Variants in IKZF3 observed in about 807,000 individuals in gnomAD.
IKZF3 encodes the protein zinc finger protein Aiolos.
In IKZF3, 10 loss-of-function variants were observed where a neutral mutation model predicts 49.0. The ratio of observed to expected loss-of-function variants is 0.20; its 90% CI spans 0.13 to 0.35. IKZF3 has a LOEUF of 0.35. Among genes scored for constraint, IKZF3 ranks in the 10% least tolerant of loss-of-function variants. The pLI, the probability that IKZF3 is intolerant of heterozygous loss-of-function variation, is 1.00. For missense variants in IKZF3, 498 were observed against 664.8 expected (o/e 0.75, Z 2.76); for synonymous variants, 209 against 228.2 (o/e 0.92, Z 0.76).
chr17:39,824,905 C>G (rs1326467057), intron 3 of IKZF3, among the ~76,000 whole-genome samples: 1 of 152,100 alleles, frequency 6.6e-6, no homozygotes, highest in Non-Finnish European at 1.5e-5. Context: ...CCATGTTAGC[C>G]AGGATGATCT....
intron 6 of IKZF3, 94 bp downstream of exon 6, chr17:39,788,164 G>A: frequency 1.4e-6 from 1 of 737,874 alleles, no homozygotes; most frequent in Non-Finnish European, 2.3e-6. Context: ...TCTGCCCCCA[G>A]TAAAATATAA....
chr17:39,858,075 T>C (rs2063116344), intron 1 of IKZF3, among the ~76,000 whole-genome samples: 1 of 152,076 alleles, frequency 6.6e-6, no homozygotes, highest in South Asian at 2.1e-4. Flanking sequence ...AGTTGCATAA[T>C]CCTTAGATAA....
At chr17:39,864,054 T>A in intron 1 of IKZF3, 66 bp downstream of exon 1, 1 of 1,598,584 alleles carries the variant, frequency 6.3e-7, no homozygotes, top group Non-Finnish European at 8.6e-7. Flanking sequence ...AAGAAACTCT[T>A]TCTACTGCTT....
Position 39,796,381 on chromosome 17 carries a change from C to A in IKZF3, c.164-3448G>T, listed in dbSNP as rs543987175. Among the ~76,000 whole-genome samples, 188 of 152,208 alleles carry A rather than the reference C, an allele frequency of 1.2e-3. 1 individual carries two copies. The highest frequency in any genetic ancestry group is 4.3e-3 in the African/African-American group (178 of 41,518). The stretch of plus-strand genomic sequence containing the variant: ...GTCTCCAAGCCATCAAACTGTGGAA[C>A]CTTTTCTCTTTCAATTTCTACATCA... On this transcript the variant is annotated intron_variant, in intron 3 of 7. Coordinates refer to ENST00000346872, the MANE Select transcript of IKZF3 (RefSeq NM_012481.5).
chr17:39,766,961 G>C (rs1567956333), intron 7 of IKZF3, among the ~76,000 whole-genome samples: 1 of 152,022 alleles, frequency 6.6e-6, no homozygotes, highest in African/African-American at 2.4e-5. Flanking sequence ...TAGCCAGGGG[G>C]ACAGAAGTGC....
intron 3 of IKZF3, among the ~76,000 whole-genome samples, chr17:39,806,364 A>T (rs1598066607): frequency 6.6e-6 from 1 of 152,376 alleles, no homozygotes; most frequent in East Asian, 1.9e-4. Context: ...ATCCAATTTT[A>T]AAATGCACGA....
At chr17:39,785,678 A>G (rs896519364) in intron 6 of IKZF3, among the ~76,000 whole-genome samples, 4 of 152,148 alleles carry the variant, frequency 2.6e-5, no homozygotes, top group South Asian at 2.1e-4. Flanking sequence ...GGACACACAT[A>G]TATGTATATA....
Position 39,766,068 on chromosome 17 carries a change from G to C in IKZF3, c.1252C>G (p.Leu418Val), listed in dbSNP as rs1299715831. Residue 418 changes from leucine (L) to valine (V), a missense_variant, in exon 8 of 8, where the codon CTG becomes GTG. Leu to Val is a conservative substitution (Grantham distance 32, BLOSUM62 1). This residue lies in a region of IKZF3 where 317 missense variants were observed against 397.3 expected (regional missense o/e 0.80). Coordinates refer to ENST00000346872, the MANE Select transcript of IKZF3 (RefSeq NM_012481.5). Reference protein sequence around the residue: ...LSRARNGMPLLKEVPRSYELL... With the variant: ...LSRARNGMPLVKEVPRSYELL... ...TCGTAAGAGCGGGGAACCTCCTTCA[G>C]AAGTGGCATCCCATTGCGGGCCCGA... is the stretch of plus-strand genomic sequence containing the variant. The C allele has an allele frequency of 6.2e-7, 1 of 1,614,082 alleles. No individual in the cohort carries two copies. Among genetic ancestry groups the C allele is most frequent in the Non-Finnish European group, 8.5e-7 (1 of 1,180,032 alleles).
chr17:39,766,612 C>A, intron 7 of IKZF3, 119 bp from the exon 8 acceptor site: 2 of 791,594 alleles, frequency 2.5e-6, no homozygotes, highest in Non-Finnish European at 4.0e-6. Flanking sequence ...TCAAGAAGAC[C>A]AAGCCTGGCA....
chr17:39,776,482 G>A (rs191162102), intron 7 of IKZF3, among the ~76,000 whole-genome samples: 15 of 152,330 alleles, frequency 9.8e-5, no homozygotes, highest in Admixed American at 2.0e-4. Flanking sequence ...AGGACAGCAA[G>A]GAGGAGGGGA....
intron 3 of IKZF3, among the ~76,000 whole-genome samples, 173 bp downstream of exon 3, chr17:39,829,214 T>G (rs533171504): frequency 1.3e-5 from 2 of 152,286 alleles, no homozygotes; most frequent in African/African-American, 2.4e-5. Flanking sequence ...ATTCTCAAAA[T>G]TTGCTGATAA....
intron 5 of IKZF3, among the ~76,000 whole-genome samples, chr17:39,789,318 A>G (rs2060953046): frequency 6.6e-6 from 1 of 152,104 alleles, no homozygotes; most frequent in Admixed American, 6.5e-5. Context: ...TAATCTCAGC[A>G]CTTTCGGAGG....
chr17:39,775,186 C>A (rs1463495792), intron 7 of IKZF3, among the ~76,000 whole-genome samples: 3 of 151,200 alleles, frequency 2.0e-5, no homozygotes, highest in African/African-American at 7.3e-5. Flanking sequence ...CTTCTTATTG[C>A]ACTACAACAC....
intron 3 of IKZF3, among the ~76,000 whole-genome samples, chr17:39,809,594 C>T (rs2061505071): frequency 6.6e-6 from 1 of 152,212 alleles, no homozygotes; most frequent in South Asian, 2.1e-4. Context: ...ACTATGTCAA[C>T]CTATTGCTAG....
intron 1 of IKZF3, among the ~76,000 whole-genome samples, chr17:39,847,234 C>T (rs1470682626): frequency 6.6e-6 from 1 of 152,148 alleles, no homozygotes; most frequent in Non-Finnish European, 1.5e-5. Context: ...TATAATCATT[C>T]CTCAAATTCC....
chr17:39,853,262 A>G (rs2062933877), intron 1 of IKZF3, among the ~76,000 whole-genome samples: 1 of 152,202 alleles, frequency 6.6e-6, no homozygotes, highest in Admixed American at 6.5e-5. Flanking sequence ...TGTGACACAA[A>G]AAAGGTATTC....
intron 1 of IKZF3, among the ~76,000 whole-genome samples, chr17:39,834,036 C>T (rs193147543): frequency 5.9e-5 from 9 of 152,206 alleles, no homozygotes; most frequent in African/African-American, 2.2e-4. Flanking sequence ...GTTTCTCAGA[C>T]TTTCCTTGTT....
At chr17:39,815,453 C>A (rs1253303098) in intron 3 of IKZF3, among the ~76,000 whole-genome samples, 1 of 152,224 alleles carries the variant, frequency 6.6e-6, no homozygotes, top group Non-Finnish European at 1.5e-5. Flanking sequence ...TCCCTCTAGC[C>A]TTGATACTCA....
chr17:39,794,699 A>G (rs1026589479), intron 3 of IKZF3, among the ~76,000 whole-genome samples: 1 of 152,238 alleles, frequency 6.6e-6, no homozygotes. Flanking sequence ...TCTGGATTAT[A>G]TAAGAAATGA....
Sources: gnomAD v4.1 joint callset for allele counts (sites outside exome capture counted in the v4.1 genomes callset) on GRCh38, gnomAD v4.1.1 for gene constraint, gnomAD v4.1.1 regional missense constraint, MANE v1.5 for transcripts, NCBI Gene and HGNC (gene_info 2026-07-23, HGNC 2026-07-21) for gene names.